The following LITAF variants were observed in gnomAD, a reference collection of about 807,000 sequenced individuals.
LITAF encodes the protein lipopolysaccharide-induced tumor necrosis factor-alpha factor.
In LITAF, 9 loss-of-function variants were observed where a neutral mutation model predicts 14.5. The ratio of observed to expected loss-of-function variants is 0.62; its 90% CI spans 0.37 to 1.08. The LOEUF (loss-of-function observed/expected upper bound fraction) is 1.08. Ranked by LOEUF, LITAF falls within the 50% of genes least tolerant of loss-of-function variation. LITAF has a pLI of 0.01. For synonymous variants in LITAF, 98 were observed against 88.2 expected (o/e 1.11, Z -0.62); for missense variants, 206 against 213.4 (o/e 0.97, Z 0.22).
At chr16:11,610,254 C>T (rs760965656) in intron 3 of LITAF, among the ~76,000 whole-genome samples, 16 of 152,240 alleles carry the variant, frequency 1.1e-4, no homozygotes, top group Non-Finnish European at 1.9e-4. Context: ...ATCGGCAATC[C>T]CTAAGAAAGA....
At chr16:11,582,572 C>T (rs1387204912) in intron 1 of LITAF, among the ~76,000 whole-genome samples, 1 of 152,048 alleles carries the variant, frequency 6.6e-6, no homozygotes, top group Non-Finnish European at 1.5e-5. Flanking sequence ...ATCTCCCAGC[C>T]CCCAGAAAAG....
upstream of LITAF, among the ~76,000 whole-genome samples, chr16:11,603,386 C>A (rs1001192638): frequency 6.6e-6 from 1 of 152,232 alleles, no homozygotes; most frequent in Non-Finnish European, 1.5e-5. Context: ...CAAATCCCTG[C>A]CCCAGGGGCT....
In LITAF at chr16:11,553,760, A is replaced by G. The variant is rs2064222111; in HGVS notation, c.221-71T>C. The G allele has an allele frequency of 3.2e-6, 5 of 1,547,064 alleles. No individual in the cohort carries two copies. The highest frequency in any genetic ancestry group is 2.2e-5 in the East Asian group (1 of 44,512). ...GCCAATAGCATTCACTACAGGACAA[A>G]GAGAGGAACGCAGGGATGCCAGCAA... On this transcript the variant is annotated intron_variant, in intron 2 of 3. Coordinates refer to ENST00000622633, the MANE Select transcript of LITAF (RefSeq NM_001136472.2). This position sits in a 1 kb window ranked among gnomAD's most constrained non-coding sequence, Gnocchi z 7.7.
intron 1 of LITAF, among the ~76,000 whole-genome samples, chr16:11,572,057 C>G (rs1463845426): frequency 6.6e-6 from 1 of 151,992 alleles, no homozygotes; most frequent in Non-Finnish European, 1.5e-5. Context: ...CCACTGCACT[C>G]CTGCCTGGGT....
intron 1 of LITAF, among the ~76,000 whole-genome samples, chr16:11,561,816 T>C (rs1435897506): frequency 8.3e-6 from 1 of 120,748 alleles, no homozygotes. Flanking sequence ...ATCCCCTCCT[T>C]ATCACCCCCC....
At chr16:11,581,103 C>T (rs2064725771) in intron 1 of LITAF, among the ~76,000 whole-genome samples, 1 of 152,264 alleles carries the variant, frequency 6.6e-6, no homozygotes, top group African/African-American at 2.4e-5. Flanking sequence ...ACTACATAAA[C>T]TTCAATTATC....
At chr16:11,578,890 G>C (rs1271040207) in intron 1 of LITAF, among the ~76,000 whole-genome samples, 1 of 152,148 alleles carries the variant, frequency 6.6e-6, no homozygotes, top group African/African-American at 2.4e-5. Context: ...GAGACAAGAT[G>C]ACTAAATGCA....
At chr16:11,615,523 G>A (rs975863185) in intron 3 of LITAF, among the ~76,000 whole-genome samples, 3 of 151,782 alleles carry the variant, frequency 2.0e-5, no homozygotes, top group Admixed American at 2.0e-4. Context: ...GGCAAAAAGA[G>A]TGAAACTCCG....
rs1028656259 is a variant in LITAF, at chr16:11,556,711, T to G, written c.20A>C (p.Tyr7Ser). Residue 7 changes from tyrosine to serine, a missense_variant, in exon 2 of 4, where the codon TAC becomes TCC. Physicochemically the swap from Tyr to Ser is moderately radical, Grantham distance 144. Coordinates refer to ENST00000622633, the MANE Select transcript of LITAF (RefSeq NM_001136472.2). ...TGAGGAAGGCCCAGTGGCCGCCTGG[T>G]AAGGTCCTGGAACCGACATTTTACC... MSVPGP[Y>S]QAATGPSSAP... is the part of the protein sequence containing the mutation. The G allele has an allele frequency of 6.2e-7, 1 of 1,614,180 alleles. No individual in the cohort carries two copies. The highest frequency in any genetic ancestry group is 8.5e-7 in the Non-Finnish European group (1 of 1,180,018).
intron 3 of LITAF, among the ~76,000 whole-genome samples, chr16:11,609,690 G>C (rs757835931): frequency 6.6e-6 from 1 of 152,094 alleles, no homozygotes; most frequent in Non-Finnish European, 1.5e-5. Context: ...AGCCTCAGAG[G>C]CCCCCATCTG....
rs2064130231 is a variant in LITAF at position 11,548,032 on chromosome 16, G to A, written c.*1605C>T. ...GAACCAAAGACTTTATTTTTCAAAA[G>A]CAGGTAACACCAAAGTACTATGTGG... On this transcript the variant is annotated 3_prime_UTR_variant, in exon 4 of 4. Transcript: ENST00000622633. 1 of 453,962 alleles carries A rather than the reference G, an allele frequency of 2.2e-6. No homozygotes were observed. The highest frequency in any genetic ancestry group is 4.4e-6 in the Non-Finnish European group (1 of 226,810). The allele number at this position is 453,962 out of a possible 1,614,324, so 28.1% of individuals were successfully genotyped here.
At chr16:11,572,986 T>C (rs1453397650) in intron 1 of LITAF, among the ~76,000 whole-genome samples, 2 of 150,506 alleles carry the variant, frequency 1.3e-5, no homozygotes, top group African/African-American at 4.9e-5. Context: ...TGGCATGCAG[T>C]GGCGCAATCT....
intron 3 of LITAF, among the ~76,000 whole-genome samples, chr16:11,627,058 A>G (rs2065088574): frequency 6.6e-6 from 1 of 151,954 alleles, no homozygotes; most frequent in South Asian, 2.1e-4. Flanking sequence ...CCGGGTGTGG[A>G]CGGCCTCTCT....
At position 11,553,265 on chromosome 16, in the gene LITAF, G is replaced by A. The variant is rs1413520974; in HGVS notation, c.377+268C>T. Among the ~76,000 whole-genome samples the A allele has an allele frequency of 3.3e-5, 5 of 152,094 alleles. No individual in the cohort carries two copies. The highest frequency in any genetic ancestry group is 1.2e-4 in the African/African-American group (5 of 41,434). The stretch of plus-strand genomic sequence containing the variant: ...GAAATGCCAGCTCTACTAAAAATAA[G>A]CTGGGCGTGGTTGTGCACCCCTATA... On this transcript the variant is annotated intron_variant, in intron 3 of 3. Coordinates refer to ENST00000622633, the MANE Select transcript of LITAF (RefSeq NM_001136472.2). The surrounding 1 kb of genome is among the most constrained non-coding windows in gnomAD (Gnocchi z 7.7).
chr16:11,589,109 CT>C (rs1481725568), upstream of LITAF, among the ~76,000 whole-genome samples: 1 of 152,126 alleles, frequency 6.6e-6, no homozygotes, highest in Non-Finnish European at 1.5e-5. Flanking sequence ...GACTGTAACT[CT>C]TTTCTTTGAT....
chr16:11,553,433 T>A lies in LITAF; in HGVS notation c.377+100A>T, dbSNP rs2064213035. On this transcript the variant is annotated intron_variant, in intron 3 of 3. Coordinates refer to ENST00000622633, the MANE Select transcript of LITAF (RefSeq NM_001136472.2). The surrounding 1 kb of genome is among the most constrained non-coding windows in gnomAD (Gnocchi z 7.7). The stretch of plus-strand genomic sequence containing the variant: ...CTCAAAAAAAAACAACACAAATGTC[T>A]GGCCCTGAATGTCAAGCATGGTGCA... 2 of 1,273,334 alleles carry A rather than the reference T, an allele frequency of 1.6e-6. No individual in the cohort carries two copies. The highest frequency in any genetic ancestry group is 1.9e-5 in the Admixed American group (1 of 52,100). The allele number at this position is 1,273,334 out of a possible 1,614,324, so 78.9% of individuals were successfully genotyped here.
chr16:11,614,657 T>C (rs986118626), intron 3 of LITAF, among the ~76,000 whole-genome samples: 2 of 152,194 alleles, frequency 1.3e-5, no homozygotes, highest in Admixed American at 1.3e-4. Context: ...TGGAATGCAA[T>C]GGCACAACTT....
chr16:11,626,560 C>CA (rs1450033820), intron 3 of LITAF, among the ~76,000 whole-genome samples: 4 of 152,036 alleles, frequency 2.6e-5, no homozygotes, highest in African/African-American at 9.7e-5. Flanking sequence ...GGCTGGTCTC[C>CA]AACTCCTGAC....
chr16:11,582,477 C>T (rs750540213), intron 1 of LITAF, among the ~76,000 whole-genome samples: 45 of 152,100 alleles, frequency 3.0e-4, no homozygotes, highest in African/African-American at 8.9e-4. Flanking sequence ...AAAGATAAAG[C>T]GGCTTTTTAA....
Sources: gnomAD v4.1 joint callset for allele counts (sites outside exome capture counted in the v4.1 genomes callset) on GRCh38, gnomAD v4.1.1 for gene constraint, Gnocchi (gnomAD v3.1) non-coding constraint, MANE v1.5 for transcripts, NCBI Gene and HGNC (gene_info 2026-07-23, HGNC 2026-07-21) for gene names.